Variants in SMOX observed in about 807,000 individuals in gnomAD.
SMOX encodes the protein spermine oxidase.
A neutral mutation model predicts 51.0 loss-of-function variants in SMOX; 22 were observed. That is an observed-to-expected ratio of 0.43 (90% CI 0.31 to 0.62). The LOEUF (loss-of-function observed/expected upper bound fraction) is 0.62, where lower values mean the gene tolerates loss of function less well. Ranked by LOEUF, SMOX falls within the 20% of genes least tolerant of loss-of-function variation. The pLI is 0.10. For synonymous variants in SMOX, 282 were observed against 307.8 expected, an observed-to-expected ratio of 0.92 and a Z score of 0.88; for missense variants, 566 against 777.7, an observed-to-expected ratio of 0.73 and a Z score of 3.24.
intron 2 of SMOX, among the ~76,000 whole-genome samples, chr20:4,175,893 C>A (rs1765015): frequency 2.5e-5 from 2 of 78,558 alleles, no homozygotes; most frequent in South Asian, 1.4e-3. Context: ...TCCCAACTGG[C>A]GGGGGAGGGG....
chr20:4,176,618 T>C (rs1004609598), intron 2 of SMOX, among the ~76,000 whole-genome samples: 14 of 152,106 alleles, frequency 9.2e-5, no homozygotes, highest in African/African-American at 3.4e-4. Context: ...AAGGAGACAG[T>C]TTCTGCAGCA....
At chr20:4,157,572 G>A (rs1986073548) in intron 1 of SMOX, among the ~76,000 whole-genome samples, 1 of 152,194 alleles carries the variant, frequency 6.6e-6, no homozygotes, top group South Asian at 2.1e-4. Flanking sequence ...CCTGCGGGCA[G>A]GGAGGAGGCA....
Position 4,182,208 on chromosome 20 carries a change from G to A in SMOX, c.729G>A (p.Val243=), listed in dbSNP as rs572453523. Residue 243 remains valine, a synonymous_variant, in exon 5 of 7, where the codon GTG becomes GTA. Coordinates refer to ENST00000305958, the MANE Select transcript of SMOX (RefSeq NM_175839.3). This position sits in a 1 kb window ranked among gnomAD's most constrained non-coding sequence, Gnocchi z 8.4. The part of the protein sequence containing the change: ...HIIPSGFMRV[V]ELLAEGIPAH... Reference sequence around the variant, plus strand: ...TCCCCTCGGGCTTCATGCGGGTTGTGGAGCTGCTGGCGGAGGGCATCCCTG... The same window carrying A: ...TCCCCTCGGGCTTCATGCGGGTTGTAGAGCTGCTGGCGGAGGGCATCCCTG... The A allele has an allele frequency of 1.9e-6, 3 of 1,613,648 alleles. No homozygotes were observed. Among genetic ancestry groups the A allele is most frequent in the South Asian group, 2.2e-5 (2 of 91,082 alleles).
rs1004303987 is a variant in SMOX at position 4,187,494 on chromosome 20, C to T, written c.*87C>T. The T allele has an allele frequency of 1.9e-5, 29 of 1,544,778 alleles. No homozygotes were observed. The highest frequency in any genetic ancestry group is 4.1e-5 in the African/African-American group (3 of 73,110). On this transcript the variant is annotated 3_prime_UTR_variant, in exon 7 of 7. Coordinates refer to ENST00000305958, the MANE Select transcript of SMOX (RefSeq NM_175839.3). The surrounding 1 kb of genome is among the most constrained non-coding windows in gnomAD (Gnocchi z 4.8). Reference sequence around the variant, plus strand: ...CGTGTGCTCCTGCCTTCCTGATCCTCTGTAGAAAGGATTTTTATCTTCTGT... The same window carrying T: ...CGTGTGCTCCTGCCTTCCTGATCCTTTGTAGAAAGGATTTTTATCTTCTGT...
chr20:4,165,375 A>G (rs1986530250), intron 1 of SMOX, among the ~76,000 whole-genome samples: 6 of 151,702 alleles, frequency 4.0e-5, no homozygotes, highest in Admixed American at 3.9e-4. Context: ...TTACATTTTT[A>G]TTTTTGGAGA....
chr20:4,158,094 G>A (rs1188246028), intron 1 of SMOX, among the ~76,000 whole-genome samples: 4 of 148,776 alleles, frequency 2.7e-5, no homozygotes, highest in African/African-American at 7.4e-5. Context: ...TAGAGATGGT[G>A]TTTCACCTTG....
At chr20:4,184,536 A>G (rs2122594627) in intron 6 of SMOX, among the ~76,000 whole-genome samples, 1 of 152,170 alleles carries the variant, frequency 6.6e-6, no homozygotes, top group African/African-American at 2.4e-5. Flanking sequence ...TTATGCTCCC[A>G]TAAAGTGGAT....
intron 1 of SMOX, among the ~76,000 whole-genome samples, chr20:4,165,111 G>A (rs535684737): frequency 7.0e-6 from 1 of 143,594 alleles, no homozygotes; most frequent in East Asian, 2.2e-4. Context: ...CTAGAGTGCA[G>A]TGGGGTGATC....
At chr20:4,152,105 GGAGGGCAGGGCTGTATGCC>G (rs1255452215) in intron 1 of SMOX, among the ~76,000 whole-genome samples, 5 of 152,240 alleles carry the variant, frequency 3.3e-5, no homozygotes, top group African/African-American at 9.6e-5. Context: ...ATGCGTGGCT[GGAGGGCAGGGCTGTATGCC>G]GAGGGCAGCC....
Position 4,162,498 on chromosome 20 carries a change from C to T in SMOX, c.-26-12532C>T, listed in dbSNP as rs907191529. On this transcript the variant is annotated intron_variant, in intron 1 of 6. Transcript: ENST00000305958. ...CTCCTGGGAATTTCCACCCCCTCTTCCACCCTCCATTAGGTCTTCCTTCCC... is the reference window on the plus strand; with the variant it reads ...CTCCTGGGAATTTCCACCCCCTCTTTCACCCTCCATTAGGTCTTCCTTCCC... Among the ~76,000 whole-genome samples, 25 of 152,226 alleles carry T rather than the reference C, an allele frequency of 1.6e-4. 1 individual carries two copies.
In SMOX at chr20:4,167,329, C is replaced by T. The variant is rs1986608931; in HGVS notation, c.-26-7701C>T. 6.6e-6 allele frequency among the ~76,000 whole-genome samples: 1 copy of T among 152,012 alleles called. No individual in the cohort carries two copies. Among genetic ancestry groups the T allele is most frequent in the South Asian group, 2.1e-4 (1 of 4,822 alleles). On this transcript the variant is annotated intron_variant, in intron 1 of 6. Transcript: ENST00000305958. This position sits in a 1 kb window ranked among gnomAD's most constrained non-coding sequence, Gnocchi z 4.8. ...CTATAAGTGAGACAGAGCTCTGGGC[C>T]CTAGGAAAGGTGACTTCTGTACTGG...
At chr20:4,178,842 C>T (rs1029120102) in intron 3 of SMOX, among the ~76,000 whole-genome samples, 10 of 152,126 alleles carry the variant, frequency 6.6e-5, no homozygotes, top group African/African-American at 1.9e-4. Context: ...TACCACCATG[C>T]CCAGCTAATT....
At chr20:4,173,034 G>T (rs1978539584) in intron 1 of SMOX, among the ~76,000 whole-genome samples, 1 of 152,244 alleles carries the variant, frequency 6.6e-6, no homozygotes, top group Non-Finnish European at 1.5e-5. Flanking sequence ...GAAAGTCAGT[G>T]TGGCAGCCTT....
rs759624547 is a variant in SMOX at position 4,187,329 on chromosome 20, C to T, written c.1590C>T (p.His530=). 5.8e-5 allele frequency: 94 copies of T among 1,614,116 alleles called. No homozygotes were observed. Among genetic ancestry groups the T allele is most frequent in the Middle Eastern group, 1.6e-4 (1 of 6,084 alleles). ...ACCGCAAGTACTATTCCACCACCCACGGTGCTCTGCTGTCCGGCCAGCGTG... is the reference window on the plus strand; with the variant it reads ...ACCGCAAGTACTATTCCACCACCCATGGTGCTCTGCTGTCCGGCCAGCGTG... The part of the protein sequence containing the change: ...ATHRKYYSTT[H]GALLSGQREA... Residue 530 remains histidine (H), a synonymous_variant, in exon 7 of 7, where the codon CAC becomes CAT. Transcript: ENST00000305958. The surrounding 1 kb of genome is among the most constrained non-coding windows in gnomAD (Gnocchi z 4.8).
intron 3 of SMOX, among the ~76,000 whole-genome samples, chr20:4,179,833 T>C (rs905216175): frequency 2.7e-4 from 41 of 152,192 alleles, no homozygotes; most frequent in Admixed American, 2.0e-4. Flanking sequence ...TAATGAGAAT[T>C]GGGGTGAGTA....
intron 1 of SMOX, among the ~76,000 whole-genome samples, chr20:4,154,812 G>A (rs563309926): frequency 2.3e-4 from 35 of 151,068 alleles, no homozygotes; most frequent in Middle Eastern, 3.4e-3. Flanking sequence ...GGCTCCTGAG[G>A]CTCCTGTGTT....
rs1979792750 is a variant in SMOX, at chr20:4,187,107, G to A, written c.1531-163G>A. ...GGGAAGAAGCAGGGGAAAGTGGCCA[G>A]ATAGGATGGGCAGCTCTTCATCCTG... is the stretch of plus-strand genomic sequence containing the variant. On this transcript the variant is annotated intron_variant, in intron 6 of 6. Coordinates refer to ENST00000305958, the MANE Select transcript of SMOX (RefSeq NM_175839.3). The surrounding 1 kb of genome is among the most constrained non-coding windows in gnomAD (Gnocchi z 4.8). 6.6e-6 allele frequency among the ~76,000 whole-genome samples: 1 copy of A among 152,236 alleles called. No homozygotes were observed. The highest frequency in any genetic ancestry group is 6.5e-5 in the Admixed American group (1 of 15,286).
chr20:4,185,766 A>C (rs1355971235), intron 6 of SMOX, among the ~76,000 whole-genome samples: 3 of 107,234 alleles, frequency 2.8e-5, no homozygotes, highest in Non-Finnish European at 5.2e-5. Context: ...GGTGGTGCAC[A>C]CCTGTAGTTC....
chr20:4,165,510 T>G (rs1986535456), intron 1 of SMOX, among the ~76,000 whole-genome samples: 1 of 152,174 alleles, frequency 6.6e-6, no homozygotes, highest in South Asian at 2.1e-4. Flanking sequence ...TGGTCTTTCT[T>G]ACACCTTTGT....
Sources: allele counts gnomAD v4.1 joint callset (sites outside exome capture counted in the v4.1 genomes callset), GRCh38; gene constraint gnomAD v4.1.1; non-coding constraint Gnocchi (gnomAD v3.1); transcripts MANE v1.5; gene names NCBI Gene and HGNC (gene_info 2026-07-23, HGNC 2026-07-21).